The following SARDH variants were observed in gnomAD, a reference collection of about 807,000 sequenced individuals.
SARDH encodes the protein sarcosine dehydrogenase, mitochondrial.
In SARDH, 95 loss-of-function variants were observed where a neutral mutation model predicts 109.1. The observed-to-expected ratio is 0.87, with a 90% CI of 0.74 to 1.03. The LOEUF is 1.03. Ranked by LOEUF, SARDH falls within the 50% of genes least tolerant of loss-of-function variation. The pLI is 0.00. For missense variants in SARDH, 1,267 were observed against 1,287.8 expected (o/e 0.98, Z 0.25); for synonymous variants, 572 against 534.8 (o/e 1.07, Z -0.96).
intron 12 of SARDH, chr9:133,703,235 G>A: frequency 1.7e-6 from 1 of 576,712 alleles, no homozygotes; most frequent in East Asian, 2.9e-5. Flanking sequence ...AGGCCGCAGG[G>A]TTGCCTGGTG....
rs574507761 is a variant in SARDH, at chr9:133,733,893, A to G, written c.281T>C (p.Val94Ala). ...HLAKLGMSGA[V>A]LLERERLTSG... is the part of the protein sequence containing the mutation. ...GGTCAGCCGCTCCCGCTCCAGCAGC[A>G]CCGCCCCACTCATGCCCAGCTTGGC... The change falls in exon 2 of 21, where the codon GTG becomes GCG. Residue 94 changes from valine to alanine, a missense_variant. Transcript: ENST00000439388. The G allele has an allele frequency of 7.9e-6, 12 of 1,522,554 alleles. No individual in the cohort carries two copies. The African/African-American group carries it at 1.7e-4, about 21-fold the overall frequency. The allele number at this position is 1,522,554 out of a possible 1,614,324, so 94.3% of individuals were successfully genotyped here.
At chr9:133,678,132 G>C (rs1246665963) in intron 17 of SARDH, among the ~76,000 whole-genome samples, 1 of 152,202 alleles carries the variant, frequency 6.6e-6, no homozygotes, top group African/African-American at 2.4e-5. Flanking sequence ...AGGCCACTTA[G>C]GTGGCAAGTG....
At chr9:133,736,040 C>CAA (rs60023194) in intron 1 of SARDH, among the ~76,000 whole-genome samples, 13 of 116,850 alleles carry the variant, frequency 1.1e-4, no homozygotes, top group African/African-American at 2.7e-4. Context: ...AACTCCGTCT[C>CAA]AAAAAAAAAA....
Position 133,671,703 on chromosome 9 carries a change from G to A in SARDH, c.2164-6C>T, listed in dbSNP as rs1247392967. ...GACAGCCGCATGGCTCGGACCTGGG[G>A]GACAAGGTCATGGCTTAGATGTGGC... is the stretch of plus-strand genomic sequence containing the variant. On this transcript the variant is annotated splice_polypyrimidine_tract_variant and splice_region_variant and intron_variant, in intron 17 of 20. Transcript: ENST00000439388. 1.3e-6 allele frequency: 2 copies of A among 1,563,804 alleles called. No homozygotes were observed. Among genetic ancestry groups the A allele is most frequent in the South Asian group, 1.2e-5 (1 of 85,094 alleles).
At chr9:133,708,228 C>T (rs1448959538) in intron 11 of SARDH, 59 bp downstream of exon 11, 1 of 1,556,606 alleles carries the variant, frequency 6.4e-7, no homozygotes, top group East Asian at 2.3e-5. Flanking sequence ...CACTCCGCTG[C>T]CCTGAGGACG....
chr9:133,700,290 C>T (rs1175963508), intron 13 of SARDH, among the ~76,000 whole-genome samples: 1 of 151,996 alleles, frequency 6.6e-6, no homozygotes, highest in Admixed American at 6.6e-5. Context: ...TGCACCCCTG[C>T]ACTCCAGCCT....
At chr9:133,682,604 G>A (rs2131362791) in intron 17 of SARDH, among the ~76,000 whole-genome samples, 1 of 152,354 alleles carries the variant, frequency 6.6e-6, no homozygotes. Flanking sequence ...AAGTGGGCTT[G>A]GTAGAAGTGA....
Position 133,709,073 on chromosome 9 carries a change from G to C in SARDH, c.1329-645C>G, listed in dbSNP as rs764175356. On this transcript the variant is annotated intron_variant, in intron 10 of 20. Coordinates refer to ENST00000439388, the MANE Select transcript of SARDH (RefSeq NM_001134707.2). This position sits in a 1 kb window ranked among gnomAD's most constrained non-coding sequence, Gnocchi z 4.2. ...TGGGGGAAAATCCCAGCTGTGTCTG[G>C]GGAGCGGCTGCCCAATCCAGCGCCT... is the stretch of plus-strand genomic sequence containing the variant. Among the ~76,000 whole-genome samples the C allele has an allele frequency of 2.7e-4, 41 of 152,180 alleles. No homozygotes were observed. Among genetic ancestry groups the C allele is most frequent in the Non-Finnish European group, 5.3e-4 (36 of 68,026 alleles).
At chr9:133,700,637 A>G (rs956549832) in intron 13 of SARDH, among the ~76,000 whole-genome samples, 4 of 152,170 alleles carry the variant, frequency 2.6e-5, no homozygotes, top group Non-Finnish European at 5.9e-5. Context: ...TGAACTCACT[A>G]AAAAACACTG....
At position 133,705,133 on chromosome 9, in the gene SARDH, C is replaced by A. The variant is rs1831642714; in HGVS notation, c.1471-102G>T. 1.0e-5 allele frequency: 12 copies of A among 1,176,970 alleles called. No individual in the cohort carries two copies. The South Asian group carries it at 1.6e-4, about 16-fold the overall frequency. The allele number at this position is 1,176,970 out of a possible 1,614,324, so 72.9% of individuals were successfully genotyped here. ...ACTTTACACCCAAGGGTGCGGAGAG[C>A]AAGGAGGCCCTGACTCTTGGAACCA... On this transcript the variant is annotated intron_variant, in intron 11 of 20. Transcript: ENST00000439388.
intron 16 of SARDH, 141 bp downstream of exon 16, chr9:133,690,239 G>A: frequency 1.1e-6 from 1 of 876,658 alleles, no homozygotes; most frequent in Non-Finnish European, 1.7e-6. Flanking sequence ...TATTTATTCA[G>A]AATGGCATCT....
chr9:133,670,303 T>C (rs1257796712), intron 19 of SARDH, among the ~76,000 whole-genome samples: 1 of 135,236 alleles, frequency 7.4e-6, no homozygotes, highest in Non-Finnish European at 1.5e-5. Context: ...CACTCCGGCC[T>C]GGGCAATAGA....
At position 133,692,668 on chromosome 9, in the gene SARDH, C is replaced by A. The variant is rs1313424008; in HGVS notation, c.1921+1590G>T. The stretch of plus-strand genomic sequence containing the variant: ...TTCCTGCCCCCGTCTGGACATACAG[C>A]CCACTGTGGGGTCCCTGAAGCCCCA... On this transcript the variant is annotated intron_variant, in intron 15 of 20. Transcript: ENST00000439388. The surrounding 1 kb of genome is among the most constrained non-coding windows in gnomAD (Gnocchi z 5.0). Among the ~76,000 whole-genome samples the A allele has an allele frequency of 6.6e-6, 1 of 152,160 alleles. No homozygotes were observed. The highest frequency in any genetic ancestry group is 1.5e-5 in the Non-Finnish European group (1 of 68,024).
chr9:133,691,169 A>AACACAC (rs3081171), intron 15 of SARDH, among the ~76,000 whole-genome samples: 1,769 of 112,174 alleles, frequency 0.016, 31 homozygotes, highest in East Asian at 0.031. Flanking sequence ...CACCTCCCCC[A>AACACAC]ACACACACAC....
At chr9:133,685,385 G>T (rs1342338594) in intron 16 of SARDH, 99 bp from the exon 17 acceptor site, 18 of 799,522 alleles carry the variant, frequency 2.3e-5, no homozygotes, top group Non-Finnish European at 2.4e-5. Flanking sequence ...ATAAGTCCCT[G>T]TCCTCATGAG....
chr9:133,722,964 A>G (rs1422286090), intron 6 of SARDH, among the ~76,000 whole-genome samples: 1 of 152,174 alleles, frequency 6.6e-6, no homozygotes. Context: ...CAGCCAAAAA[A>G]CTAATATATT....
intron 17 of SARDH, among the ~76,000 whole-genome samples, chr9:133,675,300 G>A (rs1414393799): frequency 4.6e-5 from 7 of 151,642 alleles, no homozygotes; most frequent in Non-Finnish European, 8.8e-5. Context: ...GCAGTGAGCC[G>A]AGATTGTGCC....
Position 133,683,935 on chromosome 9 carries a change from A to C in SARDH, c.2163+1258T>G, listed in dbSNP as rs192984034. On this transcript the variant is annotated intron_variant, in intron 17 of 20. Coordinates refer to ENST00000439388, the MANE Select transcript of SARDH (RefSeq NM_001134707.2). ...AAGGCCACATCCGTGTCACTGACAC[A>C]TATCGGGGGCTTTCTGGGTTTCTTT... Among the ~76,000 whole-genome samples, 4 of 152,330 alleles carry C rather than the reference A, an allele frequency of 2.6e-5. No homozygotes were observed. The East Asian group carries it at 7.7e-4, about 29-fold the overall frequency.
At chr9:133,721,815 A>G (rs1409579897) in intron 6 of SARDH, among the ~76,000 whole-genome samples, 1 of 152,172 alleles carries the variant, frequency 6.6e-6, no homozygotes, top group Non-Finnish European at 1.5e-5. Context: ...TATATAAGAG[A>G]GATGATACAC....
Sources: allele counts gnomAD v4.1 joint callset (sites outside exome capture counted in the v4.1 genomes callset), GRCh38; gene constraint gnomAD v4.1.1; non-coding constraint Gnocchi (gnomAD v3.1); transcripts MANE v1.5; gene names NCBI Gene and HGNC (gene_info 2026-07-23, HGNC 2026-07-21).